The following OBSL1 variants were observed in gnomAD, a reference collection of about 807,000 sequenced individuals.
OBSL1 encodes obscurin like cytoskeletal adaptor 1.
In OBSL1, 160 loss-of-function variants were observed where a neutral mutation model predicts 172.0. The ratio of observed to expected loss-of-function variants is 0.93; its 90% confidence interval spans 0.82 to 1.06. The LOEUF is 1.06. Among genes scored for constraint, OBSL1 ranks in the 50% least tolerant of loss-of-function variants. The pLI is 0.00. For missense variants in OBSL1, 2,681 were observed against 2,715.4 expected (o/e 0.99, Z 0.28); for synonymous variants, 1,200 against 1,196.3 (o/e 1.00, Z -0.06).
At chr2:219,552,748 G>A in intron 17 of OBSL1, 51 bp from the exon 18 acceptor site, 1 of 1,513,012 alleles carries the variant, frequency 6.6e-7, no homozygotes, top group East Asian at 2.5e-5. Flanking sequence ...GCAGTTACCG[G>A]TCACGCCCCC....
chr2:219,549,441 T>C (rs1449813234), downstream of OBSL1: 12 of 1,475,096 alleles, frequency 8.1e-6, no homozygotes, highest in Middle Eastern at 2.4e-4. Context: ...CACGGGCTGG[T>C]TGCTATCTAG....
rs763498145 is a variant in OBSL1 at position 219,568,262 on chromosome 2, C to T, written c.1075G>A (p.Val359Met). Residue 359 changes from valine (V) to methionine (M), a missense_variant, in exon 2 of 21, where the codon GTG becomes ATG. This residue lies in a region of OBSL1 where 706 missense variants were observed against 695.8 expected (regional missense o/e 1.01). Transcript: ENST00000404537. The surrounding 1 kb of genome is among the most constrained non-coding windows in gnomAD (Gnocchi z 4.1). ...DVEGREHGIA[V>M]LECKVPNSRI... ...GAGTTGGGTACTTTACATTCCAGCA[C>T]GGCAATCCCGTGCTCACGGCCCTCC... The T allele has an allele frequency of 1.8e-5, 29 of 1,611,866 alleles. No individual in the cohort carries two copies. Among genetic ancestry groups the T allele is most frequent in the African/African-American group, 6.7e-5 (5 of 74,902 alleles).
Position 219,570,700 on chromosome 2 carries a change from G to A in OBSL1, c.533C>T (p.Ala178Val). ...LDEVWDSSHF[A>V]LQPGRAEDGP... ...GTCCTCGGCGCGGCCCGGCTGGAGC[G>A]CGAAGTGGCTGCTGTCCCACACTTC... Residue 178 changes from alanine (A) to valine (V), a missense_variant, in exon 1 of 21, where the codon GCG becomes GTG. Ala to Val is a moderately conservative substitution (Grantham distance 64). Transcript: ENST00000404537. 6.6e-7 allele frequency: 1 copy of A among 1,509,458 alleles called. No individual in the cohort carries two copies. The highest frequency in any genetic ancestry group is 8.8e-7 in the Non-Finnish European group (1 of 1,135,406). 93.5% of individuals were successfully genotyped at this position (1,509,458 alleles called of 1,614,324 possible).
Position 219,566,966 on chromosome 2 carries a change from C to T in OBSL1, c.1998G>A (p.Gly666=). ...SNEPEGQVEP[G]ALRYRIEQKG... ...TCTGCTCTATACGGTACCGCAGGGC[C>T]CCAGGTTCCACCTGGCCCTCCGGCT... Residue 666 remains glycine (G), a synonymous_variant, in exon 5 of 21, where the codon GGG becomes GGA. Coordinates refer to ENST00000404537, the MANE Select transcript of OBSL1 (RefSeq NM_015311.3). 6.2e-7 allele frequency: 1 copy of T among 1,613,800 alleles called. No homozygotes were observed. Among genetic ancestry groups the T allele is most frequent in the Non-Finnish European group, 8.5e-7 (1 of 1,179,880 alleles).
chr2:219,562,441 T>C lies in OBSL1; in HGVS notation c.2914A>G (p.Ile972Val), dbSNP rs754310562. Residue 972 changes from isoleucine to valine, a missense_variant, in exon 8 of 21, where the codon ATT (isoleucine) becomes GTT (valine). Coordinates refer to ENST00000404537, the MANE Select transcript of OBSL1 (RefSeq NM_015311.3). Reference protein sequence around the residue: ...LEDSGEYLCEIDDESASFTVT... With the variant: ...LEDSGEYLCEVDDESASFTVT... ...GTGAAGGAGGCCGACTCATCGTCAA[T>C]TTCACACAAGTACTCGCCGGAGTCC... The C allele has an allele frequency of 8.7e-6, 14 of 1,613,930 alleles. No individual in the cohort carries two copies. Among genetic ancestry groups the C allele is most frequent in the Non-Finnish European group, 1.2e-5 (14 of 1,179,860 alleles).
intron 5 of OBSL1, among the ~76,000 whole-genome samples, chr2:219,566,006 C>T (rs1696863033): frequency 6.6e-6 from 1 of 152,216 alleles, no homozygotes; most frequent in African/African-American, 2.4e-5. Context: ...ATGCCTCATT[C>T]CCCTCCTTCC....
At chr2:219,559,853 C>G (rs2129641) in intron 8 of OBSL1, among the ~76,000 whole-genome samples, 1 of 151,916 alleles carries the variant, frequency 6.6e-6, no homozygotes, top group South Asian at 2.1e-4. Flanking sequence ...CAGATACAAG[C>G]ATATATCTAT....
At chr2:219,556,969 C>T in intron 12 of OBSL1, 1 of 525,202 alleles carries the variant, frequency 1.9e-6, no homozygotes, top group East Asian at 3.0e-5. Context: ...TATCAATTAC[C>T]AGGGACCCTA....
intron 8 of OBSL1, chr2:219,561,799 G>A (rs372002989): frequency 1.8e-5 from 13 of 704,806 alleles, no homozygotes; most frequent in Admixed American, 4.0e-5. Flanking sequence ...TTAGGTTAGC[G>A]GCTGAAGCAG....
In OBSL1 at chr2:219,570,838, G is replaced by C. The variant is rs745766031; in HGVS notation, c.395C>G (p.Thr132Arg). 1.4e-6 allele frequency: 2 copies of C among 1,454,686 alleles called. No homozygotes were observed. The highest frequency in any genetic ancestry group is 2.8e-5 in the South Asian group (2 of 71,548). 90.1% of individuals were successfully genotyped at this position (1,454,686 alleles called of 1,614,324 possible). A position where few individuals can be genotyped will look rare whatever the true frequency, so the allele number is the denominator to read the frequency against. ...GSGEGAPVFL[T>R]GPRSQWVLRG... ...CAGCACCCACTGGGATCGAGGCCCC[G>C]TGAGGAAGACCGGGGCGCCCTCCCC... The change falls in exon 1 of 21, where the codon ACG becomes AGG. Residue 132 changes from threonine to arginine, a missense_variant. This residue lies in a region of OBSL1 where 706 missense variants were observed against 695.8 expected (regional missense o/e 1.01). Transcript: ENST00000404537.
chr2:219,549,615 T>C, downstream of OBSL1: 2 of 1,542,480 alleles, frequency 1.3e-6, no homozygotes, highest in South Asian at 2.5e-5. Flanking sequence ...TCTGGGTCTA[T>C]GGCAGTCTAT....
chr2:219,552,956 C>T lies in OBSL1; in HGVS notation c.5058G>A (p.Gln1686=). Residue 1686 remains glutamine, a synonymous_variant, in exon 17 of 21, where the codon CAG becomes CAA. Coordinates refer to ENST00000404537, the MANE Select transcript of OBSL1 (RefSeq NM_015311.3). ...LQALGTRRLL[Q]LRRCGPSDAG... The stretch of plus-strand genomic sequence containing the variant: ...CGTCCGAGGGGCCGCAGCGTCGCAG[C>T]TGGAGAAGGCGGCGCGTGCCGAGGG... The T allele has an allele frequency of 2.0e-6, 3 of 1,533,616 alleles. No individual in the cohort carries two copies.
intron 14 of OBSL1, chr2:219,555,764 G>A: frequency 2.2e-6 from 3 of 1,362,140 alleles, no homozygotes; most frequent in Non-Finnish European, 2.8e-6. Context: ...AAGTCTTTCT[G>A]GAGAATATTT....
Position 219,556,085 on chromosome 2 carries a change from G to T in OBSL1, c.4544C>A (p.Ala1515Asp). ...HRLFIHGVILADQGTYGCESH... is the reference protein window; with the variant it reads ...HRLFIHGVILDDQGTYGCESH... ...CTCGCAGCCGTAGGTGCCCTGGTCG[G>T]CCAGTATGACACCATGGATGAAGAG... The change falls in exon 14 of 21, where the codon GCC (alanine) becomes GAC (aspartate). Residue 1515 changes from alanine to aspartate, a missense_variant. By Grantham distance (126) the Ala-to-Asp change is moderately radical. Coordinates refer to ENST00000404537, the MANE Select transcript of OBSL1 (RefSeq NM_015311.3). 6.2e-7 allele frequency: 1 copy of T among 1,613,914 alleles called. No individual in the cohort carries two copies. Among genetic ancestry groups the T allele is most frequent in the Non-Finnish European group, 8.5e-7 (1 of 1,179,894 alleles).
Position 219,559,388 on chromosome 2 carries a change from G to T in OBSL1, c.3063C>A (p.Arg1021=). The change falls in exon 9 of 21, where the codon CGC becomes CGA. Residue 1021 remains arginine, a synonymous_variant. Coordinates refer to ENST00000404537, the MANE Select transcript of OBSL1 (RefSeq NM_015311.3). ...CELSREDAPV[R]WYKDGLEVEE... Reference sequence around the variant, plus strand: ...CCACTTCCAGCCCATCCTTGTACCAGCGCACAGGGGCATCCTCCCGAGACA... The same window carrying T: ...CCACTTCCAGCCCATCCTTGTACCATCGCACAGGGGCATCCTCCCGAGACA... 7.4e-6 allele frequency: 12 copies of T among 1,613,884 alleles called. No homozygotes were observed. Among genetic ancestry groups the T allele is most frequent in the Non-Finnish European group, 9.3e-6 (11 of 1,179,884 alleles).
At position 219,570,591 on chromosome 2, in the gene OBSL1, C is replaced by G. The variant is rs1431200370; in HGVS notation, c.642G>C (p.Ala214=). 12 of 1,518,024 alleles carry G rather than the reference C, an allele frequency of 7.9e-6. No individual in the cohort carries two copies. Among genetic ancestry groups the G allele is most frequent in the Non-Finnish European group, 1.1e-5 (12 of 1,137,106 alleles). 94.0% of individuals were successfully genotyped at this position (1,518,024 alleles called of 1,614,324 possible). ...GCGCCCCCGCCTGCGCGTGGCCGTGCGCGTTGCGGGCGTGGCACACGTAGA... is the reference window on the plus strand; with the variant it reads ...GCGCCCCCGCCTGCGCGTGGCCGTGGGCGTTGCGGGCGTGGCACACGTAGA... ...SGVYVCHARN[A]HGHAQAGALL... is the part of the protein sequence containing the mutation. Residue 214 remains alanine, a synonymous_variant, in exon 1 of 21, where the codon GCG becomes GCC. Coordinates refer to ENST00000404537, the MANE Select transcript of OBSL1 (RefSeq NM_015311.3).
Position 219,550,731 on chromosome 2 carries a change from G to T in OBSL1, c.*104C>A. 2 of 1,455,328 alleles carry T rather than the reference G, an allele frequency of 1.4e-6. No individual in the cohort carries two copies. Among genetic ancestry groups the T allele is most frequent in the Non-Finnish European group, 1.9e-6 (2 of 1,060,910 alleles). 90.2% of individuals were successfully genotyped at this position (1,455,328 alleles called of 1,614,324 possible). A position where few individuals can be genotyped will look rare whatever the true frequency, so the allele number is the denominator to read the frequency against. ...ATCACTCAGAGAGGCAAGGAAATGA[G>T]CTGTAGCACTTTTATTGTTCCTTGT... On this transcript the variant is annotated 3_prime_UTR_variant, in exon 21 of 21. Transcript: ENST00000404537.
intron 14 of OBSL1, chr2:219,555,793 AC>A: frequency 7.2e-7 from 1 of 1,387,598 alleles, no homozygotes; most frequent in Non-Finnish European, 9.3e-7. Context: ...AGCAAAGCCG[AC>A]TTGGAAATAT....
chr2:219,562,254 CCTGGGCTCAT>C, intron 8 of OBSL1, 138 bp downstream of exon 8: 1 of 979,096 alleles, frequency 1.0e-6, no homozygotes, highest in East Asian at 2.5e-5. Context: ...GAATAGGGGC[CCTGGGCTCAT>C]CTCAGCAAGA....
Sources: gnomAD v4.1 joint callset for allele counts (sites outside exome capture counted in the v4.1 genomes callset) on GRCh38, gnomAD v4.1.1 for gene constraint, gnomAD v4.1.1 regional missense constraint, Gnocchi (gnomAD v3.1) non-coding constraint, MANE v1.5 for transcripts, NCBI Gene and HGNC (gene_info 2026-07-23, HGNC 2026-07-21) for gene names.